HSF5: variants seen among roughly 807,000 people sequenced by gnomAD.
HSF5 encodes the protein heat shock transcription factor 5.
In HSF5, 5 loss-of-function variants were observed where a neutral mutation model predicts 50.8. That is an observed-to-expected ratio of 0.10 (90% CI 0.05 to 0.21). HSF5 has a LOEUF of 0.21. HSF5 is among the 10% of genes least tolerant of loss of function. The pLI, the probability that HSF5 is intolerant of heterozygous loss-of-function variation, is 1.00. For missense variants in HSF5, 564 were observed against 762.6 expected, an observed-to-expected ratio of 0.74 and a Z score of 3.07; for synonymous variants, 307 against 307.4, an observed-to-expected ratio of 1.00 and a Z score of 0.02.
chr17:58,459,204 G>A (rs560385341), intron 4 of HSF5, among the ~76,000 whole-genome samples: 5 of 151,648 alleles, frequency 3.3e-5, no homozygotes, highest in African/African-American at 1.2e-4. Flanking sequence ...CAAAAGTACA[G>A]GTTTTTTTTT....
chr17:58,450,257 T>C (rs555338715), intron 5 of HSF5, among the ~76,000 whole-genome samples: 4 of 145,824 alleles, frequency 2.7e-5, no homozygotes, highest in Admixed American at 7.0e-5. Context: ...GAGAATCATT[T>C]GAACCCAGGA....
intron 2 of HSF5, chr17:58,476,550 G>T: frequency 7.0e-7 from 1 of 1,429,838 alleles, no homozygotes; most frequent in Non-Finnish European, 9.8e-7. Context: ...TATTTTCAAG[G>T]TAAGGATTTT....
At chr17:58,486,902 C>CTTTT (rs11351236) in intron 1 of HSF5, among the ~76,000 whole-genome samples, 10 of 79,908 alleles carry the variant, frequency 1.3e-4, no homozygotes, top group Non-Finnish European at 1.7e-4. Context: ...TAAGTTCTCT[C>CTTTT]TTTTTTTTTT....
intron 5 of HSF5, among the ~76,000 whole-genome samples, chr17:58,434,349 G>A (rs1974399463): frequency 1.3e-5 from 2 of 151,964 alleles, no homozygotes; most frequent in South Asian, 4.2e-4. Flanking sequence ...AGGAAATCGA[G>A]ACCATCCCGG....
In HSF5 at chr17:58,427,129, T is replaced by C. The variant is rs138063051; in HGVS notation, c.1721-4699A>G. Among the ~76,000 whole-genome samples the C allele has an allele frequency of 6.7e-3, 1,016 of 152,136 alleles. 11 individuals are homozygous for C. The highest frequency in any genetic ancestry group is 0.023 in the African/African-American group (959 of 41,520). ...AATACAAAAATAAATTAGCTGAGTG[T>C]GGTGGCATGTGGCTATAGTCCCAGC... On this transcript the variant is annotated intron_variant, in intron 5 of 5. Coordinates refer to ENST00000323777, the MANE Select transcript of HSF5 (RefSeq NM_001080439.3).
intron 5 of HSF5, among the ~76,000 whole-genome samples, chr17:58,442,035 C>G (rs1176845272): frequency 6.6e-6 from 1 of 152,178 alleles, no homozygotes; most frequent in East Asian, 1.9e-4. Context: ...TCAAGAGATC[C>G]TGACTTTAAG....
At chr17:58,453,969 C>T (rs1462479777) in intron 5 of HSF5, among the ~76,000 whole-genome samples, 4 of 152,122 alleles carry the variant, frequency 2.6e-5, no homozygotes, top group Admixed American at 2.0e-4. Flanking sequence ...TGGCACGCGC[C>T]TGTAGTCCCA....
At chr17:58,474,720 A>G (rs1040999189) in intron 2 of HSF5, among the ~76,000 whole-genome samples, 1 of 152,206 alleles carries the variant, frequency 6.6e-6, no homozygotes, top group African/African-American at 2.4e-5. Context: ...TAGAGCCAGT[A>G]GTTTCCATGA....
At chr17:58,449,196 C>T (rs1311351182) in intron 5 of HSF5, among the ~76,000 whole-genome samples, 1 of 152,038 alleles carries the variant, frequency 6.6e-6, no homozygotes, top group Non-Finnish European at 1.5e-5. Context: ...ATCACTTACC[C>T]ACAAAGGAAA....
chr17:58,423,285 A>C (rs913976376), intron 5 of HSF5, among the ~76,000 whole-genome samples: 2 of 151,966 alleles, frequency 1.3e-5, no homozygotes, highest in African/African-American at 4.9e-5. Flanking sequence ...ATGTCCTCAC[A>C]CAGTGGTTCA....
chr17:58,455,961 T>C (rs180881359), intron 5 of HSF5, among the ~76,000 whole-genome samples: 6 of 152,252 alleles, frequency 3.9e-5, no homozygotes, highest in Admixed American at 3.9e-4. Context: ...CACTATATAA[T>C]TTAGCAGTCC....
intron 3 of HSF5, 120 bp downstream of exon 3, chr17:58,466,765 C>T (rs1340212859): frequency 3.0e-6 from 2 of 663,548 alleles, no homozygotes; most frequent in East Asian, 5.4e-5. Context: ...AAAACAAAGC[C>T]CATTAATCCA....
At chr17:58,480,762 G>GCTATCTAT (rs59278255) in intron 1 of HSF5, among the ~76,000 whole-genome samples, 32,167 of 146,240 alleles carry the variant, frequency 0.22, 3,721 homozygotes, top group Middle Eastern at 0.3. Flanking sequence ...AACGCTCTTT[G>GCTATCTAT]CTATCTATCT....
rs375600400 is a variant in HSF5 at position 58,488,076 on chromosome 17, C to T, written c.199G>A (p.Ala67Thr). The T allele has an allele frequency of 5.2e-5, 82 of 1,582,318 alleles. No individual in the cohort carries two copies. In the African/African-American group the frequency reaches 9.8e-4, roughly 19 times the overall value. Reference sequence around the variant, plus strand: ...GTGGTTTTGAAGAGCTCGGGCTCGGCCCCGGCCCCCGCAGTCCCGCCACCG... The same window carrying T: ...GTGGTTTTGAAGAGCTCGGGCTCGGTCCCGGCCCCCGCAGTCCCGCCACCG... ...GGGGGTAGAG[A>T]EPELFKTTSF... Residue 67 changes from alanine (A) to threonine (T), a missense_variant, in exon 1 of 6, where the codon GCC becomes ACC. By Grantham distance (58) the Ala-to-Thr change is moderately conservative. Around this residue, in one of 5 missense-constraint regions of HSF5, gnomAD observed 72 missense variants for 110.9 expected, o/e 0.65. Transcript: ENST00000323777. The surrounding 1 kb of genome is among the most constrained non-coding windows in gnomAD (Gnocchi z 4.1).
At chr17:58,432,998 CCATTCATT>C (rs35728420) in intron 5 of HSF5, among the ~76,000 whole-genome samples, 4 of 151,258 alleles carry the variant, frequency 2.6e-5, no homozygotes, top group South Asian at 4.2e-4. Context: ...ACTAGAAGTA[CCATTCATT>C]CATTCATTCA....
intron 5 of HSF5, among the ~76,000 whole-genome samples, chr17:58,432,697 A>G (rs1286575021): frequency 6.6e-6 from 1 of 152,178 alleles, no homozygotes. Context: ...ATATATATAT[A>G]GAAAACTATT....
At chr17:58,423,234 T>C (rs1974248995) in intron 5 of HSF5, among the ~76,000 whole-genome samples, 1 of 152,212 alleles carries the variant, frequency 6.6e-6, no homozygotes, top group African/African-American at 2.4e-5. Flanking sequence ...AGCTGAATTC[T>C]TGTAAAAACA....
At chr17:58,437,656 G>A (rs994661637) in intron 5 of HSF5, among the ~76,000 whole-genome samples, 4 of 152,016 alleles carry the variant, frequency 2.6e-5, no homozygotes, top group Non-Finnish European at 4.4e-5. Flanking sequence ...TTCTAGAAAG[G>A]GGGTTGTGCT....
intron 2 of HSF5, among the ~76,000 whole-genome samples, chr17:58,472,923 C>G (rs1031271475): frequency 6.6e-6 from 1 of 152,062 alleles, no homozygotes; most frequent in Admixed American, 6.6e-5. Context: ...ATTCCCCTAC[C>G]AATTGCTGTT....
Sources: allele counts gnomAD v4.1 joint callset (sites outside exome capture counted in the v4.1 genomes callset), GRCh38; gene constraint gnomAD v4.1.1; regional missense constraint gnomAD v4.1.1; non-coding constraint Gnocchi (gnomAD v3.1); transcripts MANE v1.5; gene names NCBI Gene and HGNC (gene_info 2026-07-23, HGNC 2026-07-21).